The following TRIM35 variants were observed in gnomAD, a reference collection of about 807,000 sequenced individuals.
TRIM35 encodes E3 ubiquitin-protein ligase TRIM35.
Under a neutral mutation model 49.1 loss-of-function variants are expected in TRIM35, and 37 were observed. The ratio of observed to expected loss-of-function variants is 0.75; its 90% confidence interval spans 0.58 to 0.99. The LOEUF (loss-of-function observed/expected upper bound fraction) is 0.99, where lower values mean the gene tolerates loss of function less well. TRIM35 is among the 50% of genes least tolerant of loss of function. The pLI is 0.00. For missense variants in TRIM35, 648 were observed against 702.7 expected, an observed-to-expected ratio of 0.92 and a Z score of 0.88; for synonymous variants, 302 against 289.3, an observed-to-expected ratio of 1.04 and a Z score of -0.45.
intron 1 of TRIM35, among the ~76,000 whole-genome samples, chr8:27,299,039 C>T (rs552788518): frequency 5.9e-5 from 9 of 152,260 alleles, no homozygotes; most frequent in South Asian, 4.1e-4. Context: ...TCATTTCCCA[C>T]GGGGTTCAGT....
In TRIM35 at chr8:27,288,058, G is replaced by A. The variant is rs1247230769; in HGVS notation, c.974C>T (p.Thr325Ile). ...CACCTGCACGCGGTAGCCATGGTTG[G>A]TGACGCTGGTGAGGTCGTCAGACAC... The part of the protein sequence containing the change: ...LSVSDDLTSV[T>I]NHGYRVQVEN... Residue 325 changes from threonine (T) to isoleucine (I), a missense_variant, in exon 6 of 6, where the codon ACC becomes ATC. Thr to Ile is a moderately conservative substitution (Grantham distance 89). Coordinates refer to ENST00000305364, the MANE Select transcript of TRIM35 (RefSeq NM_171982.5). 3.1e-6 allele frequency: 5 copies of A among 1,613,124 alleles called. No individual in the cohort carries two copies. Among genetic ancestry groups the A allele is most frequent in the Non-Finnish European group, 4.2e-6 (5 of 1,180,022 alleles).
At chr8:27,300,652 A>G (rs1004597511) in intron 1 of TRIM35, among the ~76,000 whole-genome samples, 2 of 152,116 alleles carry the variant, frequency 1.3e-5, no homozygotes, top group African/African-American at 4.8e-5. Flanking sequence ...TACTGATTTC[A>G]TTTTCTGCAG....
chr8:27,289,433 G>T (rs1290470524), intron 4 of TRIM35, among the ~76,000 whole-genome samples, 153 bp from the exon 5 acceptor site: 1 of 152,208 alleles, frequency 6.6e-6, no homozygotes, highest in Non-Finnish European at 1.5e-5. Context: ...ACTGGGCTAC[G>T]ATGGGAGATG....
chr8:27,294,960 C>T lies in TRIM35; in HGVS notation c.532-650G>A, dbSNP rs568148752. On this transcript the variant is annotated intron_variant, in intron 2 of 5. Coordinates refer to ENST00000305364, the MANE Select transcript of TRIM35 (RefSeq NM_171982.5). Reference sequence around the variant, plus strand: ...GCCTCAGCCTCCCGAGTAGCTGGGACTACAGGCACACGCCACCACGCCCAG... The same window carrying T: ...GCCTCAGCCTCCCGAGTAGCTGGGATTACAGGCACACGCCACCACGCCCAG... Among the ~76,000 whole-genome samples the T allele has an allele frequency of 6.5e-4, 99 of 152,112 alleles. 2 individuals carry two copies. The highest frequency in any genetic ancestry group is 2.3e-3 in the African/African-American group (94 of 41,486).
rs750260832 is a variant in TRIM35, at chr8:27,287,760, G to A, written c.1272C>T (p.Ile424=). The A allele has an allele frequency of 1.2e-6, 2 of 1,610,468 alleles. No homozygotes were observed. Among genetic ancestry groups the A allele is most frequent in the African/African-American group, 1.3e-5 (1 of 74,918 alleles). Residue 424 remains isoleucine (I), a synonymous_variant, in exon 6 of 6, where the codon ATC becomes ATT. Coordinates refer to ENST00000305364, the MANE Select transcript of TRIM35 (RefSeq NM_171982.5). The surrounding 1 kb of genome is among the most constrained non-coding windows in gnomAD (Gnocchi z 6.0). ...DPATSPLVLA[I]PRRLRVELEC... is the part of the protein sequence containing the mutation. ...CCAGCTCCACACGCAGGCGGCGTGGGATGGCCAGGACCAGGGGCGACGTGG... is the reference window on the plus strand; with the variant it reads ...CCAGCTCCACACGCAGGCGGCGTGGAATGGCCAGGACCAGGGGCGACGTGG...
chr8:27,311,222 G>A lies in TRIM35; in HGVS notation c.14C>T (p.Pro5Leu), dbSNP rs994849862. Reference sequence around the variant, plus strand: ...GCGGGAAGGCCCGGGGGACACGTCGGGACTCCGCTCCATGGCACGAGCAGC... The same window carrying A: ...GCGGGAAGGCCCGGGGGACACGTCGAGACTCCGCTCCATGGCACGAGCAGC... MERS[P>L]DVSPGPSRSF... is the part of the protein sequence containing the mutation. Residue 5 changes from proline (P) to leucine (L), a missense_variant, in exon 1 of 6, where the codon CCC becomes CTC. Physicochemically the swap from Pro to Leu is moderately conservative, Grantham distance 98. Transcript: ENST00000305364. 1 of 1,561,256 alleles carries A rather than the reference G, an allele frequency of 6.4e-7. No individual in the cohort carries two copies. The highest frequency in any genetic ancestry group is 2.3e-5 in the East Asian group (1 of 43,472).
chr8:27,287,723 C>A lies in TRIM35; in HGVS notation c.1309G>T (p.Gly437Cys), dbSNP rs770269341. 1 of 1,610,598 alleles carries A rather than the reference C, an allele frequency of 6.2e-7. No homozygotes were observed. The highest frequency in any genetic ancestry group is 8.5e-7 in the Non-Finnish European group (1 of 1,178,768). ...TCCGCGTCATAGAAAGACAGCTCGC[C>A]CTCCTCACACTCCAGCTCCACACGC... ...RLRVELECEE[G>C]ELSFYDAERH... is the part of the protein sequence containing the mutation. Residue 437 changes from glycine (G) to cysteine (C), a missense_variant, in exon 6 of 6, where the codon GGC becomes TGC. Coordinates refer to ENST00000305364, the MANE Select transcript of TRIM35 (RefSeq NM_171982.5). The surrounding 1 kb of genome is among the most constrained non-coding windows in gnomAD (Gnocchi z 6.0).
chr8:27,305,545 G>A (rs1802766412), intron 1 of TRIM35, among the ~76,000 whole-genome samples: 1 of 152,220 alleles, frequency 6.6e-6, no homozygotes, highest in South Asian at 2.1e-4. Context: ...TTAGGAAATG[G>A]GGAAAAGCAT....
At position 27,290,196 on chromosome 8, in the gene TRIM35, A is replaced by G; in HGVS notation, c.763-18T>C. The G allele has an allele frequency of 6.2e-7, 1 of 1,613,564 alleles. No homozygotes were observed. Among genetic ancestry groups the G allele is most frequent in the Middle Eastern group, 1.7e-4 (1 of 6,054 alleles). On this transcript the variant is annotated intron_variant, in intron 3 of 5. Transcript: ENST00000305364. ...TTGTGTTTCTGAAAAAATAAAAATA[A>G]AAAAATAACACAGAGACACAGATGT...
At chr8:27,308,943 C>T (rs927479947) in intron 1 of TRIM35, among the ~76,000 whole-genome samples, 2 of 152,236 alleles carry the variant, frequency 1.3e-5, no homozygotes, top group Non-Finnish European at 2.9e-5. Flanking sequence ...GTCAGGCTTT[C>T]CCACTTCTGG....
At chr8:27,296,293 T>G (rs1802565170) in intron 2 of TRIM35, among the ~76,000 whole-genome samples, 1 of 152,040 alleles carries the variant, frequency 6.6e-6, no homozygotes, top group Admixed American at 6.6e-5. Context: ...CCGCATGCAT[T>G]AGCTATTTAT....
At chr8:27,310,488 G>C (rs1360352600) in intron 1 of TRIM35, among the ~76,000 whole-genome samples, 1 of 152,272 alleles carries the variant, frequency 6.6e-6, no homozygotes, top group African/African-American at 2.4e-5. Flanking sequence ...AAAGGGACCT[G>C]GGCCACACCC....
Position 27,287,945 on chromosome 8 carries a change from C to A in TRIM35, c.1087G>T (p.Gly363Trp). The A allele has an allele frequency of 6.2e-7, 1 of 1,613,134 alleles. No individual in the cohort carries two copies. The highest frequency in any genetic ancestry group is 2.2e-5 in the East Asian group (1 of 44,860). ...CCCACCCTCCAGCTCTGCAGCCCCC[C>A]AAGGGCCACCTCCCAGGCGTGCGAG... ...QGSHAWEVAL[G>W]GLQSWRVGVV... Residue 363 changes from glycine to tryptophan, a missense_variant, in exon 6 of 6, where the codon GGG becomes TGG. Coordinates refer to ENST00000305364, the MANE Select transcript of TRIM35 (RefSeq NM_171982.5). The surrounding 1 kb of genome is among the most constrained non-coding windows in gnomAD (Gnocchi z 6.0).
intron 2 of TRIM35, among the ~76,000 whole-genome samples, chr8:27,296,133 A>G (rs1053191077): frequency 7.2e-5 from 11 of 151,834 alleles, no homozygotes; most frequent in African/African-American, 2.7e-4. Context: ...CATTGGAGAG[A>G]GTAGAATCCA....
chr8:27,302,249 T>C (rs1802694878), intron 1 of TRIM35, among the ~76,000 whole-genome samples: 1 of 152,230 alleles, frequency 6.6e-6, no homozygotes, highest in Non-Finnish European at 1.5e-5. Flanking sequence ...AAGGCTTAAA[T>C]ACTGACTTTA....
At chr8:27,301,006 T>A (rs7830415) in intron 1 of TRIM35, among the ~76,000 whole-genome samples, 59,857 of 151,992 alleles carry the variant, frequency 0.39, 12,413 homozygotes, top group Non-Finnish European at 0.46. Context: ...ACAATAAGGA[T>A]GGGAAGGGGA....
Position 27,311,198 on chromosome 8 carries a change from C to T in TRIM35, c.38G>A (p.Arg13His), listed in dbSNP as rs771056447. 2 of 1,594,176 alleles carry T rather than the reference C, an allele frequency of 1.3e-6. No homozygotes were observed. The highest frequency in any genetic ancestry group is 1.7e-6 in the Non-Finnish European group (2 of 1,169,290). Residue 13 changes from arginine to histidine, a missense_variant, in exon 1 of 6, where the codon CGC becomes CAC. Physicochemically the swap from Arg to His is conservative, Grantham distance 29 (BLOSUM62 0). Transcript: ENST00000305364. ...RSPDVSPGPSRSFKEELLCAV... is the reference protein window; with the variant it reads ...RSPDVSPGPSHSFKEELLCAV... Reference sequence around the variant, plus strand: ...GCAGAGCAACTCCTCCTTGAAGGAGCGGGAAGGCCCGGGGGACACGTCGGG... The same window carrying T: ...GCAGAGCAACTCCTCCTTGAAGGAGTGGGAAGGCCCGGGGGACACGTCGGG...
chr8:27,304,723 T>C (rs1484742089), intron 1 of TRIM35: 1 of 413,734 alleles, frequency 2.4e-6, no homozygotes, highest in South Asian at 1.7e-5. Flanking sequence ...GCCCAGTCAA[T>C]GAGTACATGG....
At chr8:27,302,422 C>A (rs1023615013) in intron 1 of TRIM35, among the ~76,000 whole-genome samples, 1 of 151,944 alleles carries the variant, frequency 6.6e-6, no homozygotes, top group East Asian at 1.9e-4. Context: ...ATTAAAAAAA[C>A]CCAAAACAGG....
Sources: allele counts gnomAD v4.1 joint callset (sites outside exome capture counted in the v4.1 genomes callset), GRCh38; gene constraint gnomAD v4.1.1; non-coding constraint Gnocchi (gnomAD v3.1); transcripts MANE v1.5; gene names NCBI Gene and HGNC (gene_info 2026-07-23, HGNC 2026-07-21).